TASOR2: variants seen among roughly 807,000 people sequenced by gnomAD.
TASOR2 encodes the protein transcription activation suppressor family member 2.
A neutral mutation model predicts 199.5 loss-of-function variants in TASOR2; 84 were observed. That is an observed-to-expected ratio of 0.42 (90% confidence interval 0.35 to 0.50). The LOEUF is 0.50. TASOR2 is among the 20% of genes least tolerant of loss of function. The pLI is 0.02. For synonymous variants in TASOR2, 1,103 were observed against 1,046.6 expected (o/e 1.05, Z -1.04); for missense variants, 2,796 against 2,835.9 (o/e 0.99, Z 0.32).
intron 1 of TASOR2, among the ~76,000 whole-genome samples, chr10:5,691,669 C>A (rs566078484): frequency 1.1e-3 from 168 of 152,270 alleles, no homozygotes; most frequent in Non-Finnish European, 1.9e-3. Flanking sequence ...AGGCTTTCTT[C>A]TGGGCAATGC....
chr10:5,743,957 G>A (rs1836795684), intron 14 of TASOR2: 1 of 152,160 alleles, frequency 6.6e-6, no homozygotes, highest in Admixed American at 6.5e-5. Flanking sequence ...GTGAAGAAGA[G>A]GATTCTAGCA....
At chr10:5,708,596 A>C (rs1329052318) in intron 1 of TASOR2, among the ~76,000 whole-genome samples, 11,886 of 83,334 alleles carry the variant, frequency 0.14, 2 homozygotes, top group Middle Eastern at 0.24. Context: ...CTCTTTCTCT[A>C]TCTCTTCCTT....
intron 19 of TASOR2, 24 bp from the exon 21 acceptor site, chr10:5,762,508 G>GTTTTTTTTTTTTTTTTTTTTTTTT (rs148906161): frequency 2.3e-6 from 1 of 439,878 alleles, no homozygotes; most frequent in Non-Finnish European, 3.6e-6. Context: ...TTAACCAAAA[G>GTTTTTTTTTTTTTTTTTTTTTTTT]TTGTTTTTTT....
rs1837481105 is a variant in TASOR2 at position 5,748,140 on chromosome 10, A to C, written c.4719A>C (p.Glu1573Asp). The C allele has an allele frequency of 6.2e-7, 1 of 1,614,094 alleles. No individual in the cohort carries two copies. Among genetic ancestry groups the C allele is most frequent in the Non-Finnish European group, 8.5e-7 (1 of 1,180,016 alleles). Residue 1573 changes from glutamate (E) to aspartate (D), a missense_variant, in exon 15 of 21, where the codon GAA (glutamate) becomes GAC (aspartate). By Grantham distance (45) the Glu-to-Asp change is conservative (BLOSUM62 2). Transcript: ENST00000328090. The surrounding 1 kb of genome is among the most constrained non-coding windows in gnomAD (Gnocchi z 5.1). ...AACATCTTGTCTTGGAGTCCAGTGAACCTCCATTTGGTCCTAGAAATGTTA... is the reference window on the plus strand; with the variant it reads ...AACATCTTGTCTTGGAGTCCAGTGACCCTCCATTTGGTCCTAGAAATGTTA...
At chr10:5,704,277 A>C (rs561713878) in intron 1 of TASOR2, among the ~76,000 whole-genome samples, 1 of 152,202 alleles carries the variant, frequency 6.6e-6, no homozygotes, top group African/African-American at 2.4e-5. Context: ...TATGTGGGAA[A>C]ACTTCTGGGC....
In TASOR2 at chr10:5,749,959, G is replaced by T. The variant is rs1406308009; in HGVS notation, c.6538G>T (p.Ala2180Ser). Residue 2180 changes from alanine (A) to serine (S), a missense_variant, in exon 15 of 21, where the codon GCT (alanine) becomes TCT (serine). Around this residue, in one of 3 missense-constraint regions of TASOR2, gnomAD observed 1,941 missense variants for 1,924.9 expected, o/e 1.01. Coordinates refer to ENST00000328090, the Ensembl canonical transcript of TASOR2. ...CAAACTAAGAAGTGTTGTGAAAGAG[G>T]CTTGTAAAAGTACCTTCCTGTTCTA... The T allele has an allele frequency of 1.9e-6, 3 of 1,613,988 alleles. No individual in the cohort carries two copies. The South Asian group carries it at 3.3e-5, about 18-fold the overall frequency.
chr10:5,759,299 T>C (rs1839431298), intron 18 of TASOR2, among the ~76,000 whole-genome samples: 1 of 152,230 alleles, frequency 6.6e-6, no homozygotes, highest in South Asian at 2.1e-4. Flanking sequence ...GTACCATTAA[T>C]GCTTTTTTGG....
Position 5,724,632 on chromosome 10 carries a change from TATAG to T in TASOR2, c.351+119_351+122del, listed in dbSNP as rs372677711. The T allele has an allele frequency of 2.7e-3, 484 of 177,534 alleles. 1 individual carries two copies. The highest frequency in any genetic ancestry group is 0.01 in the East Asian group (65 of 6,278). 11.0% of individuals were successfully genotyped at this position (177,534 alleles called of 1,614,324 possible). A position where few individuals can be genotyped will look rare whatever the true frequency, so the allele number is the denominator to read the frequency against. ...CACATATATATATATTATATATATA[TATAG>T]ATAGATAGATAGATAGATATAGATA... On this transcript the variant is annotated intron_variant, in intron 8 of 20. Coordinates refer to ENST00000328090, the Ensembl canonical transcript of TASOR2.
At position 5,730,701 on chromosome 10, in the gene TASOR2, A is replaced by T. The variant is rs368788771; in HGVS notation, c.702A>T (p.Thr234=). Residue 234 remains threonine, a synonymous_variant, in exon 11 of 21, where the codon ACA becomes ACT. Transcript: ENST00000328090. This position sits in a 1 kb window ranked among gnomAD's most constrained non-coding sequence, Gnocchi z 4.1. The stretch of plus-strand genomic sequence containing the variant: ...CTCAGGATAGAATGAAAGACCCTAC[A>T]TTCTTGGGGAAACTGCCCAGTGGTT... 2.0e-5 allele frequency: 33 copies of T among 1,614,090 alleles called. No homozygotes were observed. The highest frequency in any genetic ancestry group is 2.7e-5 in the African/African-American group (2 of 74,932).
chr10:5,716,006 A>G (rs1832585781), intron 2 of TASOR2, among the ~76,000 whole-genome samples: 2 of 152,206 alleles, frequency 1.3e-5, no homozygotes, highest in Non-Finnish European at 2.9e-5. Context: ...ATAGCCTACT[A>G]CACACCTAGG....
intron 1 of TASOR2, among the ~76,000 whole-genome samples, chr10:5,700,466 A>T (rs1007847129): frequency 6.6e-5 from 10 of 152,150 alleles, no homozygotes; most frequent in African/African-American, 2.4e-4. Context: ...GAATTGCTGG[A>T]TCATATGGTA....
At chr10:5,692,676 G>C (rs1177237925) in intron 1 of TASOR2, 2 of 152,270 alleles carry the variant, frequency 1.3e-5, no homozygotes, top group African/African-American at 4.8e-5. Flanking sequence ...GGGGTTTGCA[G>C]GGATCCCCTC....
At chr10:5,708,463 A>G (rs1831418564) in intron 1 of TASOR2, among the ~76,000 whole-genome samples, 1 of 152,140 alleles carries the variant, frequency 6.6e-6, no homozygotes, top group Admixed American at 6.5e-5. Context: ...CTACACATTT[A>G]TAGTACTAAT....
At position 5,742,346 on chromosome 10, in the gene TASOR2, C is replaced by T. The variant is rs754966499; in HGVS notation, c.2577C>T (p.Ser859=). ...CTCTGTTGGAGACTAACGAAATTTC[C>T]AGGGCTCATGCTGCTGAAGTATCCT... Residue 859 remains serine (S), a synonymous_variant, in exon 14 of 21, where the codon TCC becomes TCT. Transcript: ENST00000328090. This position sits in a 1 kb window ranked among gnomAD's most constrained non-coding sequence, Gnocchi z 4.2. 3.1e-6 allele frequency: 5 copies of T among 1,614,088 alleles called. No individual in the cohort carries two copies. Among genetic ancestry groups the T allele is most frequent in the Middle Eastern group, 1.6e-4 (1 of 6,062 alleles).
Position 5,740,070 on chromosome 10 carries a change from C to T in TASOR2, c.1900C>T (p.Leu634Phe). The T allele has an allele frequency of 6.2e-7, 1 of 1,614,058 alleles. No homozygotes were observed. The highest frequency in any genetic ancestry group is 1.6e-4 in the Middle Eastern group (1 of 6,062). ...GGCCCCTGCTAAAGCCCAGTCAGCACTTACTGAGGAAATGCTAGAATCTTC... is the reference window on the plus strand; with the variant it reads ...GGCCCCTGCTAAAGCCCAGTCAGCATTTACTGAGGAAATGCTAGAATCTTC... The change falls in exon 13 of 21, where the codon CTT (leucine) becomes TTT (phenylalanine). Residue 634 changes from leucine to phenylalanine, a missense_variant. This residue lies in a region of TASOR2 where 847 missense variants were observed against 887.4 expected (regional missense o/e 0.95). Coordinates refer to ENST00000328090, the Ensembl canonical transcript of TASOR2. The surrounding 1 kb of genome is among the most constrained non-coding windows in gnomAD (Gnocchi z 5.3).
Position 5,714,243 on chromosome 10 carries a change from ATCT to A in TASOR2, c.-192+1330_-192+1332del, listed in dbSNP as rs1832311241. The A allele has an allele frequency of 3.0e-5, 36 of 1,201,654 alleles. No homozygotes were observed. The South Asian group carries it at 8.4e-4, about 28-fold the overall frequency. The allele number at this position is 1,201,654 out of a possible 1,614,324, so 74.4% of individuals were successfully genotyped here. A position where few individuals can be genotyped will look rare whatever the true frequency, so the allele number is the denominator to read the frequency against. On this transcript the variant is annotated intron_variant, in intron 2 of 20. Coordinates refer to ENST00000328090, the Ensembl canonical transcript of TASOR2. Reference sequence around the variant, plus strand: ...AAAGCAAAAAGAATCTTAAAAAAAAATCTTCTTTTACAAGATGAAGTGAGGTTT... The same window carrying A: ...AAAGCAAAAAGAATCTTAAAAAAAAATCTTTTACAAGATGAAGTGAGGTTT...
Position 5,717,617 on chromosome 10 carries a change from A to T in TASOR2, c.-191-42A>T, listed in dbSNP as rs912541062. The stretch of plus-strand genomic sequence containing the variant: ...TCTTGCTTCTACTTTCTCCTGTCTG[A>T]TGGGCAATCTGCTGCTTAATCTATA... On this transcript the variant is annotated intron_variant, in intron 2 of 20. Coordinates refer to ENST00000328090, the Ensembl canonical transcript of TASOR2. 4.7e-6 allele frequency: 4 copies of T among 852,070 alleles called. No individual in the cohort carries two copies. In the Admixed American group the frequency reaches 1.7e-4, roughly 37 times the overall value. The allele number at this position is 852,070 out of a possible 1,614,324, so 52.8% of individuals were successfully genotyped here.
At chr10:5,753,611 T>G (rs2797494) in intron 15 of TASOR2, among the ~76,000 whole-genome samples, 2 of 152,066 alleles carry the variant, frequency 1.3e-5, no homozygotes, top group Non-Finnish European at 2.9e-5. Flanking sequence ...CCGCCTACCT[T>G]GGCCTCCCAA....
chr10:5,708,329 C>G (rs546872957), intron 1 of TASOR2, among the ~76,000 whole-genome samples: 1 of 152,006 alleles, frequency 6.6e-6, no homozygotes, highest in African/African-American at 2.4e-5. Flanking sequence ...TTTTTGGCTT[C>G]CTCATTGGAA....
Sources: allele counts gnomAD v4.1 joint callset (sites outside exome capture counted in the v4.1 genomes callset), GRCh38; gene constraint gnomAD v4.1.1; regional missense constraint gnomAD v4.1.1; non-coding constraint Gnocchi (gnomAD v3.1); transcripts MANE v1.5; gene names NCBI Gene and HGNC (gene_info 2026-07-23, HGNC 2026-07-21).